CAPN12: variants seen among roughly 807,000 people sequenced by gnomAD.
CAPN12 encodes calpain-12.
A neutral mutation model predicts 95.0 loss-of-function variants in CAPN12; 107 were observed. The observed-to-expected ratio is 1.13, with a 90% CI of 0.96 to 1.32. The LOEUF (loss-of-function observed/expected upper bound fraction) is 1.32, where lower values mean the gene tolerates loss of function less well. Ranked by LOEUF, CAPN12 falls within the 40% of genes most tolerant of loss-of-function variation. CAPN12 has a pLI of 0.00. For synonymous variants in CAPN12, 505 were observed against 415.5 expected (o/e 1.22, Z -2.62); for missense variants, 1,136 against 997.8 (o/e 1.14, Z -1.87).
At position 38,744,331 on chromosome 19, in the gene CAPN12, T is replaced by C; in HGVS notation, c.-166A>G. On this transcript the variant is annotated 5_prime_UTR_variant, in exon 1 of 21. Coordinates refer to ENST00000328867, the MANE Select transcript of CAPN12 (RefSeq NM_144691.4). ...GGTGCTGGGGAGCAGGGACGCCTCTTCAGTAGCTTTCTTCCCAGGGCGTGG... is the reference window on the plus strand; with the variant it reads ...GGTGCTGGGGAGCAGGGACGCCTCTCCAGTAGCTTTCTTCCCAGGGCGTGG... 2 of 663,340 alleles carry C rather than the reference T, an allele frequency of 3.0e-6. No homozygotes were observed. Among genetic ancestry groups the C allele is most frequent in the African/African-American group, 1.8e-5 (1 of 55,250 alleles). 41.1% of individuals were successfully genotyped at this position (663,340 alleles called of 1,614,324 possible).
Position 38,734,306 on chromosome 19 carries a change from GCCC to G in CAPN12, c.1815+10_1815+12del, listed in dbSNP as rs756292320. ...CCACTCCCTCCCTCACCCAGGCACT[GCCC>G]CCCATGTACCCCGAAACACTGCAGC... On this transcript the variant is annotated intron_variant, in intron 16 of 20. Transcript: ENST00000328867. The G allele has an allele frequency of 4.2e-5, 68 of 1,604,536 alleles. No homozygotes were observed. Among genetic ancestry groups the G allele is most frequent in the Middle Eastern group, 1.7e-4 (1 of 6,052 alleles).
chr19:38,740,469 G>A (rs1217099132), intron 4 of CAPN12, among the ~76,000 whole-genome samples: 1 of 152,026 alleles, frequency 6.6e-6, no homozygotes, highest in Non-Finnish European at 1.5e-5. Context: ...GAGGAGCTGG[G>A]CCCACAGGTG....
At chr19:38,735,883 G>A (rs1477281014) in intron 12 of CAPN12, among the ~76,000 whole-genome samples, 1 of 3,640 alleles carries the variant, frequency 2.7e-4, no homozygotes, top group East Asian at 0.016. Context: ...GGGGCGGGGC[G>A]GGGCGGGGCG....
At position 38,730,811 on chromosome 19, in the gene CAPN12, G is replaced by A. The variant is rs1360923842; in HGVS notation, c.*41C>T. On this transcript the variant is annotated 3_prime_UTR_variant, in exon 21 of 21. Coordinates refer to ENST00000328867, the MANE Select transcript of CAPN12 (RefSeq NM_144691.4). ...AGGCCTAGGGAGGTGGTCTTGCTCA[G>A]CAACCCTGCCCTGAGCAGCAGGTGC... is the stretch of plus-strand genomic sequence containing the variant. 1.3e-6 allele frequency: 2 copies of A among 1,549,970 alleles called. No individual in the cohort carries two copies. Among genetic ancestry groups the A allele is most frequent in the Non-Finnish European group, 1.7e-6 (2 of 1,146,836 alleles).
chr19:38,735,283 G>C (rs1352246891), intron 14 of CAPN12, 87 bp downstream of exon 14: 13 of 1,327,448 alleles, frequency 9.8e-6, no homozygotes, highest in Non-Finnish European at 1.3e-5. Context: ...AGCAAAATGA[G>C]ACACCTGAGA....
At chr19:38,739,839 A>G in intron 5 of CAPN12, 1 of 471,156 alleles carries the variant, frequency 2.1e-6, no homozygotes, top group Non-Finnish European at 3.7e-6. Context: ...AAATAAACAT[A>G]GTTGCAACAC....
rs978666552 is a variant in CAPN12 at position 38,730,677 on chromosome 19, C to T, written c.*175G>A. On this transcript the variant is annotated 3_prime_UTR_variant, in exon 21 of 21. Coordinates refer to ENST00000328867, the MANE Select transcript of CAPN12 (RefSeq NM_144691.4). ...AGAAGGGCTGTCGCTGTTCTTGTTT[C>T]TGAGTGAGGAGTACGCAGGCCAGAG... The T allele has an allele frequency of 4.3e-6, 3 of 700,544 alleles. No homozygotes were observed. The highest frequency in any genetic ancestry group is 7.2e-6 in the Non-Finnish European group (3 of 415,304). The allele number at this position is 700,544 out of a possible 1,614,324, so 43.4% of individuals were successfully genotyped here.
At chr19:38,737,437 C>G in intron 9 of CAPN12, 38 bp downstream of exon 9, 2 of 1,611,228 alleles carry the variant, frequency 1.2e-6, no homozygotes, top group Non-Finnish European at 1.7e-6. Flanking sequence ...ACAGCGCCCC[C>G]CACCCCAGGA....
At chr19:38,738,388 A>G in intron 7 of CAPN12, 30 bp downstream of exon 7, 2 of 1,610,604 alleles carry the variant, frequency 1.2e-6, no homozygotes, top group Non-Finnish European at 8.5e-7. Flanking sequence ...GGTGGGGTCC[A>G]GCCCCACACC....
chr19:38,733,710 A>G lies in CAPN12; in HGVS notation c.1950T>C (p.Asn650=), dbSNP rs746520792. The G allele has an allele frequency of 3.7e-6, 6 of 1,613,494 alleles. No individual in the cohort carries two copies. Among genetic ancestry groups the G allele is most frequent in the Non-Finnish European group, 5.1e-6 (6 of 1,179,904 alleles). The change falls in exon 18 of 21, where the codon AAT becomes AAC. Residue 650 remains asparagine (N), a synonymous_variant. Transcript: ENST00000328867. ...CCAGGACCCTGTCCACACCTGCTGC[A>G]TTCAGTGCCAGCCTCAGCTCGTAGG... is the stretch of plus-strand genomic sequence containing the variant. ...MNSYELRLAL[N]AAGFHLNNQL...
At chr19:38,740,908 T>C (rs12972987) in intron 4 of CAPN12, among the ~76,000 whole-genome samples, 8,685 of 150,824 alleles carry the variant, frequency 0.058, 263 homozygotes, top group South Asian at 0.099. Flanking sequence ...TTCGGTTTGG[T>C]GGGGGGCATG....
Position 38,738,351 on chromosome 19 carries a change from G to T in CAPN12, c.891-4C>A, listed in dbSNP as rs1162813458. The T allele has an allele frequency of 1.2e-6, 2 of 1,611,986 alleles. No individual in the cohort carries two copies. The highest frequency in any genetic ancestry group is 1.7e-6 in the Non-Finnish European group (2 of 1,179,992). ...GAGTGTGTCCCAGCGTGGGCAGCTG[G>T]AGAGACTGTGGTGTGAGGGGCGGGC... On this transcript the variant is annotated splice_polypyrimidine_tract_variant and splice_region_variant and intron_variant, in intron 7 of 20. Transcript: ENST00000328867.
chr19:38,736,467 T>TTTGACCAAGCCCCCGGGCAGG (rs1970161488), intron 11 of CAPN12, 85 bp downstream of exon 11: 1 of 1,393,500 alleles, frequency 7.2e-7, no homozygotes, highest in Non-Finnish European at 9.8e-7. Flanking sequence ...CCCAGGGCAG[T>TTTGACCAAGCCCCCGGGCAGG]TTGACCAAGC....
rs1230679524 is a variant in CAPN12 at position 38,744,288 on chromosome 19, TATTA to T, written c.-127_-124del. ...GCAATGAGGAGCCTTCCCTCGTTAA[TATTA>T]ATTGATGGTTTGGGGTGCTGGGGAG... On this transcript the variant is annotated 5_prime_UTR_variant, in exon 1 of 21. Coordinates refer to ENST00000328867, the MANE Select transcript of CAPN12 (RefSeq NM_144691.4). 2.5e-5 allele frequency: 23 copies of T among 906,506 alleles called. No homozygotes were observed. Among genetic ancestry groups the T allele is most frequent in the South Asian group, 1.0e-4 (7 of 67,620 alleles). 56.2% of individuals were successfully genotyped at this position (906,506 alleles called of 1,614,324 possible). A position where few individuals can be genotyped will look rare whatever the true frequency, so the allele number is the denominator to read the frequency against.
chr19:38,736,597 G>A, intron 10 of CAPN12, 34 bp from the exon 11 acceptor site: 2 of 1,587,222 alleles, frequency 1.3e-6, no homozygotes, highest in Non-Finnish European at 1.7e-6. Flanking sequence ...CGTCGGGGCA[G>A]GGGAGAGGTG....
At position 38,737,267 on chromosome 19, in the gene CAPN12, C is replaced by T. The variant is rs758064549; in HGVS notation, c.1251G>A (p.Arg417=). ...CCGTGCACTTGGGCGTGCGGCCCCC[C>T]CGCGCTGGGCCCCGTGCCCCTGCAG... ...WGAAGARGPA[R]GGRTPKCTVL... The change falls in exon 10 of 21, where the codon CGG becomes CGA. Residue 417 remains arginine (R), a synonymous_variant. Transcript: ENST00000328867. 3.0e-5 allele frequency: 47 copies of T among 1,547,298 alleles called. No homozygotes were observed. The Middle Eastern group carries it at 1.0e-3, about 34-fold the overall frequency.
At chr19:38,732,803 G>A (rs1969727029) in intron 18 of CAPN12, among the ~76,000 whole-genome samples, 1 of 152,136 alleles carries the variant, frequency 6.6e-6, no homozygotes, top group Non-Finnish European at 1.5e-5. Flanking sequence ...GTGGGGTTGG[G>A]GATCTGGGAA....
chr19:38,742,430 C>T lies in CAPN12; in HGVS notation c.406G>A (p.Ala136Thr), dbSNP rs756399435. Residue 136 changes from alanine (A) to threonine (T), a missense_variant, in exon 3 of 21, where the codon GCA (alanine) becomes ACA (threonine). Physicochemically the swap from Ala to Thr is moderately conservative, Grantham distance 58. Coordinates refer to ENST00000328867, the MANE Select transcript of CAPN12 (RefSeq NM_144691.4). ...PPGQDFQHGYAGVFHFQLWQF... is the reference protein window; with the variant it reads ...PPGQDFQHGYTGVFHFQLWQF... ...TGTACCTGGAAGTGGAAGACGCCTG[C>T]GTAGCCATGCTGGAAATCCTGTCCA... The T allele has an allele frequency of 1.6e-5, 26 of 1,613,580 alleles. No individual in the cohort carries two copies. Among genetic ancestry groups the T allele is most frequent in the Admixed American group, 1.3e-4 (8 of 59,986 alleles).
rs139983006 is a variant in CAPN12, at chr19:38,738,469, C to G, written c.839G>C (p.Arg280Pro). The change falls in exon 7 of 21, where the codon CGG becomes CCG. Residue 280 changes from arginine to proline, a missense_variant. Physicochemically the swap from Arg to Pro is moderately radical, Grantham distance 103. Transcript: ENST00000328867. The stretch of plus-strand genomic sequence containing the variant: ...CACGCAGCCCCATGGGTTCCGCAGC[C>G]GCAGCAGCCGCACCTTGGTGAAGCC... ...FLGFTKVRLL[R>P]LRNPWGCVEW... 118 of 1,610,110 alleles carry G rather than the reference C, an allele frequency of 7.3e-5. No individual in the cohort carries two copies. In the African/African-American group the frequency reaches 1.5e-3, roughly 20 times the overall value.
Sources: gnomAD v4.1 joint callset for allele counts (sites outside exome capture counted in the v4.1 genomes callset) on GRCh38, gnomAD v4.1.1 for gene constraint, MANE v1.5 for transcripts, NCBI Gene and HGNC (gene_info 2026-07-23, HGNC 2026-07-21) for gene names.